FBN2: variants seen among roughly 807,000 people sequenced by gnomAD.
The protein encoded by FBN2 is fibrillin-2.
In FBN2, 105 loss-of-function variants were observed where a neutral mutation model predicts 355.6. The observed-to-expected ratio is 0.30, with a 90% CI of 0.25 to 0.35. The LOEUF is 0.35. FBN2 is among the 10% of genes least tolerant of loss of function. FBN2 has a pLI of 1.00. For missense variants in FBN2, 3,280 were observed against 3,758.7 expected (o/e 0.87, Z 3.33); for synonymous variants, 1,350 against 1,301.2 (o/e 1.04, Z -0.81).
intron 50 of FBN2, 144 bp downstream of exon 50, chr5:128,290,588 G>A: frequency 2.4e-6 from 2 of 832,240 alleles, no homozygotes; most frequent in Non-Finnish European, 4.1e-6. Context: ...TCTCAGGCTA[G>A]GTTGTTCAAT....
At chr5:128,293,077 A>G (rs1467635253) in intron 48 of FBN2, among the ~76,000 whole-genome samples, 3 of 152,134 alleles carry the variant, frequency 2.0e-5, no homozygotes, top group Non-Finnish European at 1.5e-5. Context: ...TACCCACTGA[A>G]TGTAGGAATG....
At chr5:128,487,054 T>C (rs1755357379) in intron 5 of FBN2, among the ~76,000 whole-genome samples, 1 of 152,166 alleles carries the variant, frequency 6.6e-6, no homozygotes, top group African/African-American at 2.4e-5. Flanking sequence ...CATAGAAAAA[T>C]GTACGTATCT....
intron 48 of FBN2, among the ~76,000 whole-genome samples, chr5:128,298,828 C>T (rs1315647143): frequency 6.6e-6 from 1 of 152,242 alleles, no homozygotes; most frequent in Admixed American, 6.5e-5. Flanking sequence ...AAGCCTTCTT[C>T]TCTCAGCTCG....
intron 62 of FBN2, among the ~76,000 whole-genome samples, chr5:128,266,598 G>C (rs185868830): frequency 6.6e-6 from 1 of 152,036 alleles, no homozygotes; most frequent in Admixed American, 6.5e-5. Context: ...TTTTGTGCTA[G>C]GTGTTCAGAA....
intron 53 of FBN2, among the ~76,000 whole-genome samples, chr5:128,287,968 A>G (rs1469886110): frequency 6.6e-6 from 1 of 152,204 alleles, no homozygotes; most frequent in East Asian, 1.9e-4. Flanking sequence ...CTAGTGAGTA[A>G]GGTTTAAAGA....
intron 2 of FBN2, among the ~76,000 whole-genome samples, chr5:128,534,416 G>GC (rs1473446910): frequency 6.6e-6 from 1 of 152,174 alleles, no homozygotes; most frequent in African/African-American, 2.4e-5. Flanking sequence ...TGAGACTCAT[G>GC]CAATAGAATA....
intron 4 of FBN2, among the ~76,000 whole-genome samples, chr5:128,525,218 T>C (rs1324909267): frequency 6.6e-6 from 1 of 152,176 alleles, no homozygotes; most frequent in Non-Finnish European, 1.5e-5. Flanking sequence ...ATTCTAATTT[T>C]CATTTTTCCC....
intron 45 of FBN2, among the ~76,000 whole-genome samples, chr5:128,303,861 T>C (rs1010756140): frequency 1.3e-5 from 2 of 152,200 alleles, no homozygotes; most frequent in African/African-American, 4.8e-5. Flanking sequence ...ATACTCTCTC[T>C]GGGAGTACAG....
intron 2 of FBN2, 115 bp from the exon 3 acceptor site, chr5:128,530,808 G>T: frequency 1.4e-6 from 1 of 710,754 alleles, no homozygotes; most frequent in Non-Finnish European, 2.4e-6. Context: ...TAAAATATAT[G>T]ATATAAATGT....
Position 128,392,002 on chromosome 5 carries a change from A to G in FBN2, c.1603+16T>C. The G allele has an allele frequency of 6.2e-7, 1 of 1,611,452 alleles. No homozygotes were observed. The highest frequency in any genetic ancestry group is 8.5e-7 in the Non-Finnish European group (1 of 1,177,678). On this transcript the variant is annotated intron_variant, in intron 11 of 64. Coordinates refer to ENST00000262464, the MANE Select transcript of FBN2 (RefSeq NM_001999.4). ...TAAAAAAACTAAGAAGGATTATTAA[A>G]GAATCACAAACTTACCTATACAATC...
Position 128,361,755 on chromosome 5 carries a change from T to C in FBN2, c.2522A>G (p.Tyr841Cys), listed in dbSNP as rs762606715. The C allele has an allele frequency of 6.8e-6, 11 of 1,614,024 alleles. No individual in the cohort carries two copies. The highest frequency in any genetic ancestry group is 1.1e-5 in the South Asian group (1 of 91,084). The change falls in exon 19 of 65, where the codon TAT (tyrosine) becomes TGT (cysteine). Residue 841 changes from tyrosine to cysteine, a missense_variant. By Grantham distance (194) the Tyr-to-Cys change is radical. This residue lies in a region of FBN2 where 2,284 missense variants were observed against 2,749.5 expected (regional missense o/e 0.83). Coordinates refer to ENST00000262464, the MANE Select transcript of FBN2 (RefSeq NM_001999.4). ...GGTCTCTGTCTCAGTCCTGAACACA[T>C]ACCCTGGTGGGCACGTACAGCTGTA... ...GSYSCTCPPG[Y>C]VFRTETETCE... is the part of the protein sequence containing the mutation.
At chr5:128,294,759 C>T (rs866389629) in intron 48 of FBN2, among the ~76,000 whole-genome samples, 7 of 150,844 alleles carry the variant, frequency 4.6e-5, no homozygotes, top group African/African-American at 9.8e-5. Context: ...GAGTAGGTTG[C>T]GAAAATTTTC....
At chr5:128,277,787 A>C (rs1267888329) in intron 58 of FBN2, 93 bp downstream of exon 58, 9 of 1,346,930 alleles carry the variant, frequency 6.7e-6, no homozygotes, top group Non-Finnish European at 8.5e-6. Context: ...CCAAAGCTCC[A>C]TAATAAAGAC....
At chr5:128,480,828 T>C (rs2127109144) in intron 5 of FBN2, among the ~76,000 whole-genome samples, 1 of 152,338 alleles carries the variant, frequency 6.6e-6, no homozygotes, top group South Asian at 2.1e-4. Flanking sequence ...TCCAAAACAC[T>C]TTCCTATGCG....
chr5:128,290,839 C>G lies in FBN2; in HGVS notation c.6338G>C (p.Cys2113Ser). The change falls in exon 50 of 65, where the codon TGT becomes TCT. Residue 2113 changes from cysteine to serine, a missense_variant. By Grantham distance (112) the Cys-to-Ser change is moderately radical. Coordinates refer to ENST00000262464, the MANE Select transcript of FBN2 (RefSeq NM_001999.4). Reference sequence around the variant, plus strand: ...GGTGTTGAAAGCTTTGGGTACAGAACACTTTCCATTTTCAAAATTTGTGAA... The same window carrying G: ...GGTGTTGAAAGCTTTGGGTACAGAAGACTTTCCATTTTCAAAATTTGTGAA... ...FCFTNFENGK[C>S]SVPKAFNTTK... is the part of the protein sequence containing the mutation. The G allele has an allele frequency of 6.2e-7, 1 of 1,614,058 alleles. No individual in the cohort carries two copies. Among genetic ancestry groups the G allele is most frequent in the Non-Finnish European group, 8.5e-7 (1 of 1,179,924 alleles).
At chr5:128,274,032 G>A in intron 60 of FBN2, 64 bp from the exon 61 acceptor site, 4 of 1,594,378 alleles carry the variant, frequency 2.5e-6, no homozygotes, top group Non-Finnish European at 3.4e-6. Context: ...ACGTTTCATG[G>A]GAAGTAAAAA....
At chr5:128,305,791 A>C (rs1365618052) in intron 43 of FBN2, 32 bp downstream of exon 43, 2 of 1,611,278 alleles carry the variant, frequency 1.2e-6, no homozygotes, top group Non-Finnish European at 1.7e-6. Flanking sequence ...ACCAAATTAT[A>C]CTGGATAAAG....
chr5:128,272,463 C>CATATATATATATATATAT (rs3083327), intron 61 of FBN2, among the ~76,000 whole-genome samples: 30 of 139,776 alleles, frequency 2.1e-4, no homozygotes, highest in African/African-American at 5.6e-4. Context: ...TTTGGTAAAT[C>CATATATATATATATATAT]ATATATATAT....
In FBN2 at chr5:128,309,902, A is replaced by G. The variant is rs1402910578; in HGVS notation, c.5200+81T>C. On this transcript the variant is annotated intron_variant, in intron 40 of 64. Transcript: ENST00000262464. The stretch of plus-strand genomic sequence containing the variant: ...ACGAAGACTGAACTTCCAAACTTCC[A>G]AACAATAATTCTGAGACGTAAGTGC... The G allele has an allele frequency of 4.0e-6, 6 of 1,485,404 alleles. No individual in the cohort carries two copies. The Admixed American group carries it at 1.0e-4, about 25-fold the overall frequency. The allele number at this position is 1,485,404 out of a possible 1,614,324, so 92.0% of individuals were successfully genotyped here.
Sources: gnomAD v4.1 joint callset for allele counts (sites outside exome capture counted in the v4.1 genomes callset) on GRCh38, gnomAD v4.1.1 for gene constraint, gnomAD v4.1.1 regional missense constraint, MANE v1.5 for transcripts, NCBI Gene and HGNC (gene_info 2026-07-23, HGNC 2026-07-21) for gene names.